Variants in OSBPL8 observed in about 807,000 individuals in gnomAD.
OSBPL8 encodes the protein oxysterol-binding protein-related protein 8.
Under a neutral mutation model 125.5 loss-of-function variants are expected in OSBPL8, and 59 were observed. That is an observed-to-expected ratio of 0.47 (90% confidence interval 0.38 to 0.58). The LOEUF is 0.58. Ranked by LOEUF, OSBPL8 falls within the 20% of genes least tolerant of loss-of-function variation. The pLI, the probability that OSBPL8 is intolerant of heterozygous loss-of-function variation, is 0.00. For synonymous variants in OSBPL8, 330 were observed against 338.9 expected (o/e 0.97, Z 0.29); for missense variants, 758 against 1,047.8 (o/e 0.72, Z 3.82).
At chr12:76,376,819 A>C (rs558009099) in intron 16 of OSBPL8, among the ~76,000 whole-genome samples, 49 of 152,160 alleles carry the variant, frequency 3.2e-4, no homozygotes, top group African/African-American at 1.1e-3. Context: ...ATACATGTGC[A>C]GAACGTGAAG....
At chr12:76,409,023 T>C (rs1229432221) in intron 5 of OSBPL8, among the ~76,000 whole-genome samples, 1 of 152,152 alleles carries the variant, frequency 6.6e-6, no homozygotes. Context: ...TAAATCTCAT[T>C]GTATTTCTAG....
At chr12:76,489,194 T>C (rs2137039642) in intron 1 of OSBPL8, among the ~76,000 whole-genome samples, 1 of 152,262 alleles carries the variant, frequency 6.6e-6, no homozygotes, top group East Asian at 1.9e-4. Flanking sequence ...CTCTATAACA[T>C]CAAAATGCAA....
At chr12:76,497,335 G>A (rs1254504402) in intron 1 of OSBPL8, among the ~76,000 whole-genome samples, 2 of 152,082 alleles carry the variant, frequency 1.3e-5, no homozygotes, top group Non-Finnish European at 2.9e-5. Flanking sequence ...AACAAAATGA[G>A]TCTGATAAAC....
chr12:76,370,669 T>C (rs1370799653), intron 19 of OSBPL8, among the ~76,000 whole-genome samples: 2 of 152,202 alleles, frequency 1.3e-5, no homozygotes, highest in African/African-American at 4.8e-5. Flanking sequence ...CAAATGGTTA[T>C]GGCTGAGACA....
intron 16 of OSBPL8, among the ~76,000 whole-genome samples, chr12:76,376,747 C>T (rs1952832277): frequency 6.6e-6 from 1 of 152,088 alleles, no homozygotes; most frequent in Non-Finnish European, 1.5e-5. Flanking sequence ...CTCTTTTGTA[C>T]ATGCTGGGTT....
chr12:76,448,213 A>G (rs374223375), intron 4 of OSBPL8, among the ~76,000 whole-genome samples: 1 of 152,200 alleles, frequency 6.6e-6, no homozygotes, highest in Non-Finnish European at 1.5e-5. Context: ...CAAAAGGTTA[A>G]TAACTCCTTA....
At chr12:76,460,116 A>C (rs577869150) in intron 2 of OSBPL8, among the ~76,000 whole-genome samples, 2 of 152,352 alleles carry the variant, frequency 1.3e-5, no homozygotes, top group East Asian at 3.8e-4. Context: ...AGTATCAAAT[A>C]TTTGTTTTAT....
intron 1 of OSBPL8, among the ~76,000 whole-genome samples, chr12:76,490,497 C>T (rs1429528535): frequency 3.9e-5 from 6 of 152,212 alleles, no homozygotes; most frequent in South Asian, 2.1e-4. Flanking sequence ...AGCCTGATGG[C>T]GTAACTTCAG....
chr12:76,503,897 G>A (rs993315866), intron 1 of OSBPL8, among the ~76,000 whole-genome samples: 9 of 152,020 alleles, frequency 5.9e-5, no homozygotes, highest in African/African-American at 2.2e-4. Flanking sequence ...ACAAGGCATA[G>A]ACTATAATGG....
chr12:76,457,070 G>T (rs1459052376), intron 3 of OSBPL8, among the ~76,000 whole-genome samples: 1 of 152,150 alleles, frequency 6.6e-6, no homozygotes, highest in Non-Finnish European at 1.5e-5. Flanking sequence ...ATGAAAATAG[G>T]CAAGAATGAT....
chr12:76,507,421 T>C (rs568356239), intron 1 of OSBPL8, among the ~76,000 whole-genome samples: 14 of 151,860 alleles, frequency 9.2e-5, no homozygotes, highest in African/African-American at 3.2e-4. Flanking sequence ...CTTTCTCTTA[T>C]GGCAACAAGT....
At chr12:76,371,346 G>T in intron 19 of OSBPL8, 102 bp downstream of exon 19, 1 of 1,279,164 alleles carries the variant, frequency 7.8e-7, no homozygotes, top group South Asian at 2.1e-5. Context: ...CTATTTTGCT[G>T]AATTAAGATA....
intron 1 of OSBPL8, among the ~76,000 whole-genome samples, chr12:76,554,009 T>A (rs937793186): frequency 4.6e-4 from 62 of 135,994 alleles, no homozygotes; most frequent in African/African-American, 1.4e-3. Context: ...TAAAAAAAAA[T>A]GCATACCAAT....
chr12:76,356,790 G>A (rs1301430980), intron 22 of OSBPL8, 62 bp from the exon 23 acceptor site: 1 of 1,142,390 alleles, frequency 8.8e-7, no homozygotes, highest in Non-Finnish European at 1.3e-6. Context: ...AATTTAATGT[G>A]TCTCATGTAA....
chr12:76,359,402 G>A (rs558402166), intron 21 of OSBPL8, among the ~76,000 whole-genome samples: 18 of 152,202 alleles, frequency 1.2e-4, no homozygotes, highest in African/African-American at 4.3e-4. Flanking sequence ...GGATTGAAGT[G>A]GATGCACAAG....
intron 1 of OSBPL8, among the ~76,000 whole-genome samples, chr12:76,529,528 G>GAAA (rs200831955): frequency 1.7e-5 from 2 of 117,820 alleles, no homozygotes; most frequent in African/African-American, 3.0e-5. Context: ...CTACCAAACA[G>GAAA]AAAAAAAAAA....
At chr12:76,548,707 A>G (rs545319229) in intron 1 of OSBPL8, among the ~76,000 whole-genome samples, 19 of 152,258 alleles carry the variant, frequency 1.2e-4, no homozygotes, top group Admixed American at 1.2e-3. Flanking sequence ...CCTACTCTGT[A>G]CTACCTTGCC....
At chr12:76,525,840 C>T (rs1346503193) in intron 1 of OSBPL8, among the ~76,000 whole-genome samples, 1 of 152,116 alleles carries the variant, frequency 6.6e-6, no homozygotes, top group Admixed American at 6.5e-5. Context: ...GTACAAAGAA[C>T]CCATTCAATT....
At chr12:76,380,537 A>AAC (rs1406772310) in intron 15 of OSBPL8, among the ~76,000 whole-genome samples, 9 of 151,064 alleles carry the variant, frequency 6.0e-5, no homozygotes, top group African/African-American at 2.2e-4. Flanking sequence ...CCAAAAAAAA[A>AAC]AAAAAAAAAA....
Sources: gnomAD v4.1 joint callset for allele counts (sites outside exome capture counted in the v4.1 genomes callset) on GRCh38, gnomAD v4.1.1 for gene constraint, MANE v1.5 for transcripts, NCBI Gene and HGNC (gene_info 2026-07-23, HGNC 2026-07-21) for gene names.